The following OTULIN variants were observed in gnomAD, a reference collection of about 807,000 sequenced individuals.
OTULIN encodes OTU deubiquitinase with linear linkage specificity.
In OTULIN, 15 loss-of-function variants were observed where a neutral mutation model predicts 39.6. The observed-to-expected ratio is 0.38, with a 90% CI of 0.25 to 0.58. The LOEUF (loss-of-function observed/expected upper bound fraction) is 0.58, where lower values mean the gene tolerates loss of function less well. Ranked by LOEUF, OTULIN falls within the 20% of genes least tolerant of loss-of-function variation. The pLI, the probability that OTULIN is intolerant of heterozygous loss-of-function variation, is 0.66. For missense variants in OTULIN, 319 were observed against 445.9 expected, an observed-to-expected ratio of 0.72 and a Z score of 2.56; for synonymous variants, 156 against 170.3, an observed-to-expected ratio of 0.92 and a Z score of 0.65.
chr5:14,665,575 T>C (rs1735816719), intron 1 of OTULIN, among the ~76,000 whole-genome samples: 2 of 152,206 alleles, frequency 1.3e-5, no homozygotes, highest in African/African-American at 4.8e-5. Context: ...TCCTAATTTC[T>C]GCAAGGGTCT....
At chr5:14,682,128 G>A (rs1248521616) in intron 4 of OTULIN, among the ~76,000 whole-genome samples, 3 of 152,192 alleles carry the variant, frequency 2.0e-5, no homozygotes, top group Non-Finnish European at 4.4e-5. Context: ...CCTCTTTAGC[G>A]TTTTAAATGT....
At chr5:14,674,336 A>G (rs1168025870) in intron 2 of OTULIN, among the ~76,000 whole-genome samples, 2 of 152,272 alleles carry the variant, frequency 1.3e-5, no homozygotes, top group African/African-American at 2.4e-5. Context: ...GAGTGGCCTC[A>G]TGCAGGAGCT....
At chr5:14,703,658 G>T (rs570251997), downstream of OTULIN, among the ~76,000 whole-genome samples, 3 of 152,332 alleles carry the variant, frequency 2.0e-5, no homozygotes, top group African/African-American at 7.2e-5. Context: ...AGTGAATGAT[G>T]CTGGGGCCAG....
At chr5:14,674,197 T>G (rs1466917734) in intron 2 of OTULIN, 1 of 153,960 alleles carries the variant, frequency 6.5e-6, no homozygotes, top group African/African-American at 2.4e-5. Flanking sequence ...TGTGTTTTTC[T>G]TGTCTTGCCT....
downstream of OTULIN, among the ~76,000 whole-genome samples, chr5:14,700,744 A>T (rs149617): frequency 0.72 from 108,610 of 150,992 alleles, 40,175 homozygotes; most frequent in Middle Eastern, 0.85. Flanking sequence ...AACTGGCATG[A>T]CTCCAGGGAT....
In OTULIN at chr5:14,693,092, C is replaced by A; in HGVS notation, c.*44C>A. 6.5e-7 allele frequency: 1 copy of A among 1,535,058 alleles called. No individual in the cohort carries two copies. Reference sequence around the variant, plus strand: ...AGCCTGGCGACGTGGCGAAGATGCACAGGTGGCTCCTGGGCTTGGGCTGCA... The same window carrying A: ...AGCCTGGCGACGTGGCGAAGATGCAAAGGTGGCTCCTGGGCTTGGGCTGCA... On this transcript the variant is annotated 3_prime_UTR_variant, in exon 7 of 7. Coordinates refer to ENST00000284274, the MANE Select transcript of OTULIN (RefSeq NM_138348.6).
At chr5:14,673,570 G>T in intron 1 of OTULIN, 72 bp from the exon 2 acceptor site, 1 of 1,310,082 alleles carries the variant, frequency 7.6e-7, no homozygotes, top group Non-Finnish European at 1.1e-6. Context: ...GCATTTGTAA[G>T]CAGCTGTATA....
the OTULIN span, among the ~76,000 whole-genome samples, chr5:14,716,502 ATAAAT>A: frequency 1.3e-5 from 2 of 152,138 alleles, no homozygotes; most frequent in Non-Finnish European, 2.9e-5. Flanking sequence ...CAATAAATAA[ATAAAT>A]AAATAAATAA....
chr5:14,673,930 A>T, intron 2 of OTULIN: 1 of 363,442 alleles, frequency 2.8e-6, no homozygotes, highest in Non-Finnish European at 5.0e-6. Flanking sequence ...CTTTACATTC[A>T]TATCGTTTTT....
chr5:14,713,381 A>G, the OTULIN span, among the ~76,000 whole-genome samples: 2 of 152,212 alleles, frequency 1.3e-5, no homozygotes. The surrounding 1 kb of genome is among the most constrained non-coding windows in gnomAD (Gnocchi z 4.4). Context: ...AATGGATCCC[A>G]AGAGCCTCCA....
Position 14,690,609 on chromosome 5 carries a change from T to G in OTULIN, c.864+301T>G, listed in dbSNP as rs1736500582. The stretch of plus-strand genomic sequence containing the variant: ...CACACATAGGCCTCCACAGGGCTGC[T>G]TGAGTGTCCTTACAACATGGCAGCT... On this transcript the variant is annotated intron_variant, in intron 6 of 6. Coordinates refer to ENST00000284274, the MANE Select transcript of OTULIN (RefSeq NM_138348.6). The surrounding 1 kb of genome is among the most constrained non-coding windows in gnomAD (Gnocchi z 4.5). Among the ~76,000 whole-genome samples, 2 of 152,194 alleles carry G rather than the reference T, an allele frequency of 1.3e-5. No homozygotes were observed. Among genetic ancestry groups the G allele is most frequent in the East Asian group, 3.8e-4 (2 of 5,202 alleles).
At chr5:14,669,677 G>A (rs1367763130) in intron 1 of OTULIN, among the ~76,000 whole-genome samples, 2 of 152,168 alleles carry the variant, frequency 1.3e-5, no homozygotes, top group Non-Finnish European at 2.9e-5. Context: ...AGCCTGAGAT[G>A]GGAAGACTGC....
the OTULIN span, chr5:14,711,288 G>T: frequency 6.2e-7 from 1 of 1,614,054 alleles, no homozygotes; most frequent in African/African-American, 1.3e-5. Flanking sequence ...CTCCGTGGCC[G>T]ACTCATTCTC....
At chr5:14,709,943 C>G in the OTULIN span, 1 of 152,194 alleles carries the variant, frequency 6.6e-6, no homozygotes, top group Admixed American at 6.5e-5. Flanking sequence ...TTCTTTCAGT[C>G]TAGGAATTCT....
the OTULIN span, chr5:14,707,308 C>A: frequency 6.6e-6 from 1 of 151,210 alleles, no homozygotes; most frequent in Admixed American, 6.6e-5. Context: ...AAAAAAAAAA[C>A]CAGTCAGCTA....
the OTULIN span, chr5:14,706,660 A>G: frequency 6.6e-6 from 1 of 152,210 alleles, no homozygotes; most frequent in Admixed American, 6.5e-5. Context: ...TTGCCTTTAA[A>G]AGGGCAGGCA....
chr5:14,677,779 A>G (rs1736142975), intron 2 of OTULIN, among the ~76,000 whole-genome samples: 1 of 152,182 alleles, frequency 6.6e-6, no homozygotes, highest in South Asian at 2.1e-4. Context: ...TCAGGGTAGG[A>G]CATAAATACA....
chr5:14,664,842 T>C lies in OTULIN; in HGVS notation c.17T>C (p.Met6Thr), dbSNP rs745608502. ...AGCGACCGCATGAGTCGGGGGACTA[T>C]GCCCCAGCCCGAAGCGTGGCCAGGC... Reference protein sequence around the residue: MSRGTMPQPEAWPGAS... With the variant: MSRGTTPQPEAWPGAS... Residue 6 changes from methionine to threonine, a missense_variant, in exon 1 of 7, where the codon ATG becomes ACG. Physicochemically the swap from Met to Thr is moderately conservative, Grantham distance 81. Around this residue, in one of 4 missense-constraint regions of OTULIN, gnomAD observed 132 missense variants for 143.7 expected, o/e 0.92. Coordinates refer to ENST00000284274, the MANE Select transcript of OTULIN (RefSeq NM_138348.6). 28 of 1,214,748 alleles carry C rather than the reference T, an allele frequency of 2.3e-5. No homozygotes were observed. In the South Asian group the frequency reaches 1.0e-3, roughly 44 times the overall value. 75.2% of individuals were successfully genotyped at this position (1,214,748 alleles called of 1,614,324 possible).
chr5:14,689,542 T>C (rs748512674), intron 5 of OTULIN, among the ~76,000 whole-genome samples: 1 of 152,228 alleles, frequency 6.6e-6, no homozygotes, highest in Non-Finnish European at 1.5e-5. Context: ...GAAGTTCATA[T>C]ATATTTTTGA....
Sources: allele counts gnomAD v4.1 joint callset (sites outside exome capture counted in the v4.1 genomes callset), GRCh38; gene constraint gnomAD v4.1.1; regional missense constraint gnomAD v4.1.1; non-coding constraint Gnocchi (gnomAD v3.1); transcripts MANE v1.5; gene names NCBI Gene and HGNC (gene_info 2026-07-23, HGNC 2026-07-21).